The following DCTN1 variants were observed in gnomAD, a reference collection of about 807,000 sequenced individuals.
DCTN1 encodes the protein 150 kDa dynein-associated polypeptide.
Under a neutral mutation model 161.2 loss-of-function variants are expected in DCTN1, and 61 were observed. That is an observed-to-expected ratio of 0.38 (90% CI 0.31 to 0.47). The LOEUF is 0.47. DCTN1 is among the 20% of genes least tolerant of loss of function. The pLI, the probability that DCTN1 is intolerant of heterozygous loss-of-function variation, is 0.99. For synonymous variants in DCTN1, 653 were observed against 632.4 expected (o/e 1.03, Z -0.49); for missense variants, 1,404 against 1,623.7 (o/e 0.86, Z 2.33).
At chr2:74,368,659 G>A in intron 16 of DCTN1, 69 bp downstream of exon 16, 1 of 1,607,496 alleles carries the variant, frequency 6.2e-7, no homozygotes, top group South Asian at 1.1e-5. Context: ...TCTTCACTCA[G>A]CATCTTCAAT....
chr2:74,370,750 C>T lies in DCTN1; in HGVS notation c.919G>A (p.Ala307Thr). The change falls in exon 10 of 32, where the codon GCC becomes ACC. Residue 307 changes from alanine to threonine, a missense_variant. Coordinates refer to ENST00000628224, the MANE Select transcript of DCTN1 (RefSeq NM_004082.5). This position sits in a 1 kb window ranked among gnomAD's most constrained non-coding sequence, Gnocchi z 4.4. ...MADTADAIEM[A>T]TLDKEMAEER... ...TCAGCCATCTCCTTGTCCAAAGTGG[C>T]CATCTCAATGGCATCAGCAGTATCA... 1 of 1,614,236 alleles carries T rather than the reference C, an allele frequency of 6.2e-7. No individual in the cohort carries two copies. The highest frequency in any genetic ancestry group is 8.5e-7 in the Non-Finnish European group (1 of 1,180,046).
intron 1 of DCTN1, among the ~76,000 whole-genome samples, chr2:74,379,314 C>A (rs189002652): frequency 8.2e-4 from 125 of 152,282 alleles, no homozygotes; most frequent in African/African-American, 2.7e-3. Context: ...CTATGGGAGA[C>A]CCTTCTGATA....
intron 1 of DCTN1, chr2:74,391,489 C>T (rs2061169526): frequency 6.6e-6 from 2 of 301,660 alleles, no homozygotes; most frequent in Admixed American, 9.6e-5. Flanking sequence ...AAACCTGTAG[C>T]TCAGTATGGA....
rs774703501 is a variant in DCTN1 at position 74,361,491 on chromosome 2, A to G, written c.*8T>C. ...AGGGTCGAAGGGGACAGCAGGGGAA[A>G]GGAGTGCTTAGGAGATGAGGCGACT... On this transcript the variant is annotated 3_prime_UTR_variant, in exon 32 of 32. Transcript: ENST00000628224. 18 of 1,614,024 alleles carry G rather than the reference A, an allele frequency of 1.1e-5. No homozygotes were observed. The highest frequency in any genetic ancestry group is 1.5e-5 in the Non-Finnish European group (18 of 1,180,006).
Position 74,366,115 on chromosome 2 carries a change from G to A in DCTN1, c.2761-97C>T, listed in dbSNP as rs567179271. ...GAGATCCAGTTACAGGGAAAACCCT[G>A]CCTTCTAGGCAGGATGGTGCTCTCC... is the stretch of plus-strand genomic sequence containing the variant. On this transcript the variant is annotated intron_variant, in intron 23 of 31. Coordinates refer to ENST00000628224, the MANE Select transcript of DCTN1 (RefSeq NM_004082.5). The A allele has an allele frequency of 3.7e-5, 60 of 1,611,482 alleles. 1 individual carries two copies. In the South Asian group the frequency reaches 6.0e-4, roughly 16 times the overall value.
Position 74,365,522 on chromosome 2 carries a change from T to C in DCTN1, c.3022A>G (p.Lys1008Glu), listed in dbSNP as rs112395789. The change falls in exon 25 of 32, where the codon AAG (lysine) becomes GAG (glutamate). Residue 1008 changes from lysine to glutamate, a missense_variant. Lys to Glu is a moderately conservative substitution (Grantham distance 56, BLOSUM62 1). This residue lies in a region of DCTN1 where 23 missense variants were observed against 48.5 expected (regional missense o/e 0.47). Transcript: ENST00000628224. ...CCAGGGAAAGTGCCTGACTTCTCCT[T>C]CTTTCGCAGCAGTGCCTGGGTCTCC... ...LEETQALLRKKEKEFEETMDA... is the reference protein window; with the variant it reads ...LEETQALLRKEEKEFEETMDA... The C allele has an allele frequency of 1.9e-6, 3 of 1,613,946 alleles. No homozygotes were observed. Among genetic ancestry groups the C allele is most frequent in the Non-Finnish European group, 2.5e-6 (3 of 1,180,010 alleles).
At chr2:74,364,986 G>C (rs1411479715) in intron 26 of DCTN1, 89 bp downstream of exon 26, 2 of 1,549,716 alleles carry the variant, frequency 1.3e-6, no homozygotes, top group Non-Finnish European at 1.8e-6. Context: ...CCGGGGGTAA[G>C]GGGGGTGGGG....
chr2:74,372,196 C>A (rs1249329504), intron 7 of DCTN1, among the ~76,000 whole-genome samples: 1 of 152,196 alleles, frequency 6.6e-6, no homozygotes, highest in Non-Finnish European at 1.5e-5. Flanking sequence ...CTAATTTCCA[C>A]AGAAGGTTGG....
rs13420401 is a variant in DCTN1, at chr2:74,370,810, G to T, written c.859C>A (p.Leu287Met). ...KEARKEAKEALEAKERYMEEM... is the reference protein window; with the variant it reads ...KEARKEAKEAMEAKERYMEEM... ...TCCATATAGCGTTCCTTTGCCTCCA[G>T]CGCCTCCTTGGCTTCCTGAGGAAGA... Residue 287 changes from leucine (L) to methionine (M), a missense_variant, in exon 10 of 32, where the codon CTG becomes ATG. This residue lies in a region of DCTN1 where 67 missense variants were observed against 116.3 expected (regional missense o/e 0.58). Coordinates refer to ENST00000628224, the MANE Select transcript of DCTN1 (RefSeq NM_004082.5). This position sits in a 1 kb window ranked among gnomAD's most constrained non-coding sequence, Gnocchi z 4.4. 11,929 of 1,614,164 alleles carry T rather than the reference G, an allele frequency of 7.4e-3. 783 individuals are homozygous for T. The African/African-American group carries it at 0.14, about 19-fold the overall frequency.
chr2:74,384,348 G>T (rs889498985), upstream of DCTN1, among the ~76,000 whole-genome samples: 3 of 152,168 alleles, frequency 2.0e-5, no homozygotes, highest in African/African-American at 7.2e-5. Flanking sequence ...ATCTCTACAG[G>T]TAGGTGCTCC....
chr2:74,370,876 G>C lies in DCTN1; in HGVS notation c.844-51C>G, dbSNP rs763521652. ...GGGTACCAGCACAGAGATGCCCCAG[G>C]CCTTTCTCACAGTATGTTCCAGGCT... On this transcript the variant is annotated intron_variant, in intron 9 of 31. Transcript: ENST00000628224. The surrounding 1 kb of genome is among the most constrained non-coding windows in gnomAD (Gnocchi z 4.4). 6 of 1,613,200 alleles carry C rather than the reference G, an allele frequency of 3.7e-6. No homozygotes were observed. In the African/African-American group the frequency reaches 6.7e-5, roughly 18 times the overall value.
At chr2:74,388,320 C>T (rs1190014939) in intron 1 of DCTN1, among the ~76,000 whole-genome samples, 1 of 152,124 alleles carries the variant, frequency 6.6e-6, no homozygotes, top group Non-Finnish European at 1.5e-5. Flanking sequence ...GCGTGATGAT[C>T]TTGTCTGTGA....
intron 28 of DCTN1, 25 bp downstream of exon 28, chr2:74,363,269 C>A: frequency 2.5e-6 from 4 of 1,614,080 alleles, no homozygotes; most frequent in Non-Finnish European, 3.4e-6. Flanking sequence ...ATCTCCCATC[C>A]CAGTCCTCCC....
upstream of DCTN1, among the ~76,000 whole-genome samples, chr2:74,381,617 G>T (rs78611613): frequency 0.011 from 1,655 of 152,214 alleles, 32 homozygotes; most frequent in African/African-American, 0.038. Context: ...GCACTTTACA[G>T]TCTATAGGAC....
chr2:74,382,420 T>C (rs1323083208), upstream of DCTN1, among the ~76,000 whole-genome samples: 1 of 151,602 alleles, frequency 6.6e-6, no homozygotes, highest in Non-Finnish European at 1.5e-5. Flanking sequence ...GCTGACATGG[T>C]GAAACCCTAT....
At chr2:74,367,139 C>T (rs1558937670) in intron 19 of DCTN1, 32 bp from the exon 20 acceptor site, 11 of 1,613,414 alleles carry the variant, frequency 6.8e-6, no homozygotes, top group Non-Finnish European at 9.3e-6. Context: ...ATCATCAGCC[C>T]CCAGCAGGAG....
At chr2:74,377,967 A>G (rs1675322315) in intron 2 of DCTN1, 33 bp downstream of exon 2, 1 of 1,612,170 alleles carries the variant, frequency 6.2e-7, no homozygotes, top group South Asian at 1.1e-5. Flanking sequence ...ACATGTGCAC[A>G]CATGCACAGA....
At chr2:74,380,413 A>G, upstream of DCTN1, 1 of 500,560 alleles carries the variant, frequency 2.0e-6, no homozygotes, top group South Asian at 1.6e-5. Context: ...GGCATACGCC[A>G]CAGACCCTCA....
chr2:74,374,279 T>C, intron 6 of DCTN1, 44 bp downstream of exon 6: 1 of 659,698 alleles, frequency 1.5e-6, no homozygotes, highest in Non-Finnish European at 2.7e-6. Context: ...GCTGCCACCA[T>C]TGCCCTGGCA....
Sources: allele counts gnomAD v4.1 joint callset (sites outside exome capture counted in the v4.1 genomes callset), GRCh38; gene constraint gnomAD v4.1.1; regional missense constraint gnomAD v4.1.1; non-coding constraint Gnocchi (gnomAD v3.1); transcripts MANE v1.5; gene names NCBI Gene and HGNC (gene_info 2026-07-23, HGNC 2026-07-21).